CLEC2B: variants seen among roughly 807,000 people sequenced by gnomAD.
CLEC2B encodes C-type lectin domain family 2 member B.
CLEC2B carries 14 observed loss-of-function variants against 16.2 expected under a neutral mutation model. The observed-to-expected ratio is 0.86, with a 90% CI of 0.57 to 1.35. The LOEUF (loss-of-function observed/expected upper bound fraction) is 1.35. CLEC2B is among the 40% of genes most tolerant of loss of function. The pLI is 0.00. For missense variants in CLEC2B, 166 were observed against 182.3 expected (o/e 0.91, Z 0.52); for synonymous variants, 42 against 55.8 (o/e 0.75, Z 1.10).
At chr12:9,857,752 G>A in intron 2 of CLEC2B, 115 bp from the exon 3 acceptor site, 2 of 803,404 alleles carry the variant, frequency 2.5e-6, no homozygotes, top group Non-Finnish European at 4.0e-6. Flanking sequence ...TATGAAAGTT[G>A]TATATCTATT....
Position 9,853,091 on chromosome 12 carries a change from G to GAGAGAA in CLEC2B, c.*203_*208dup. On this transcript the variant is annotated 3_prime_UTR_variant, in exon 5 of 5. Coordinates refer to ENST00000228438, the MANE Select transcript of CLEC2B (RefSeq NM_005127.3). ...AAAGAAAGAAAGAAAGAAAGAGAGAGAGAGAAAGAAAGAAAGAAAAAAACT... is the reference window on the plus strand; with the variant it reads ...AAAGAAAGAAAGAAAGAAAGAGAGAGAGAGAAAGAGAAAGAAAGAAAGAAAAAAACT... The GAGAGAA allele has an allele frequency of 2.4e-6, 1 of 419,822 alleles. No individual in the cohort carries two copies. Among genetic ancestry groups the GAGAGAA allele is most frequent in the East Asian group, 4.0e-5 (1 of 25,246 alleles). 26.0% of individuals were successfully genotyped at this position (419,822 alleles called of 1,614,324 possible).
At position 9,853,128 on chromosome 12, in the gene CLEC2B, C is replaced by G; in HGVS notation, c.*172G>C. 2.1e-6 allele frequency: 1 copy of G among 480,488 alleles called. No individual in the cohort carries two copies. The highest frequency in any genetic ancestry group is 3.4e-5 in the East Asian group (1 of 29,498). The allele number at this position is 480,488 out of a possible 1,614,324, so 29.8% of individuals were successfully genotyped here. On this transcript the variant is annotated 3_prime_UTR_variant, in exon 5 of 5. Coordinates refer to ENST00000228438, the MANE Select transcript of CLEC2B (RefSeq NM_005127.3). ...GAAAGAAAAAAACTCAGCAGAATACCTGTAACCATTTTTTGCCAATCTTTG... is the reference window on the plus strand; with the variant it reads ...GAAAGAAAAAAACTCAGCAGAATACGTGTAACCATTTTTTGCCAATCTTTG...
At chr12:9,857,188 G>T (rs1170240066) in intron 3 of CLEC2B, 2 of 216,762 alleles carry the variant, frequency 9.2e-6, no homozygotes, top group East Asian at 1.1e-4. Context: ...TTTCTTGGTG[G>T]AGTATTGGCT....
At chr12:9,857,713 A>G (rs1867905360) in intron 2 of CLEC2B, 76 bp from the exon 3 acceptor site, 5 of 1,154,166 alleles carry the variant, frequency 4.3e-6, no homozygotes, top group Non-Finnish European at 6.2e-6. Flanking sequence ...CACTGGACAC[A>G]GGTTTTTGAT....
At chr12:9,856,177 C>A (rs961827566) in intron 3 of CLEC2B, among the ~76,000 whole-genome samples, 6 of 152,120 alleles carry the variant, frequency 3.9e-5, no homozygotes, top group African/African-American at 1.4e-4. Flanking sequence ...TCTTTGCTGA[C>A]AATATTCCTA....
chr12:9,859,236 T>C (rs1260246203), intron 2 of CLEC2B, among the ~76,000 whole-genome samples: 1 of 151,836 alleles, frequency 6.6e-6, no homozygotes, highest in Non-Finnish European at 1.5e-5. Context: ...AAGTTAATAA[T>C]AGTGATAAAT....
chr12:9,855,189 A>G (rs1867886451), intron 3 of CLEC2B, among the ~76,000 whole-genome samples: 1 of 152,116 alleles, frequency 6.6e-6, no homozygotes, highest in Non-Finnish European at 1.5e-5. Context: ...TTCACACTGT[A>G]TCACTCTACT....
chr12:9,864,825 C>T (rs779442499), intron 1 of CLEC2B, among the ~76,000 whole-genome samples: 5 of 141,258 alleles, frequency 3.5e-5, no homozygotes, highest in Non-Finnish European at 7.8e-5. Flanking sequence ...AACAAAACAG[C>T]CCCAGAAAAT....
intron 1 of CLEC2B, chr12:9,867,076 T>C (rs549349068): frequency 6.6e-6 from 1 of 152,292 alleles, no homozygotes; most frequent in Admixed American, 6.5e-5. Flanking sequence ...GCTTTTGTTA[T>C]GAGTTCAGCA....
At chr12:9,866,811 A>G (rs1295725560) in intron 1 of CLEC2B, among the ~76,000 whole-genome samples, 1 of 152,196 alleles carries the variant, frequency 6.6e-6, no homozygotes, top group East Asian at 1.9e-4. Flanking sequence ...GTTTCTGAAA[A>G]TTGTGAAGGG....
intron 4 of CLEC2B, 78 bp from the exon 5 acceptor site, chr12:9,853,486 C>G: frequency 1.8e-6 from 2 of 1,132,722 alleles, no homozygotes; most frequent in South Asian, 2.5e-5. Flanking sequence ...AAAAATTCTA[C>G]TTGTCTAAAG....
At chr12:9,857,358 C>G in intron 3 of CLEC2B, 116 bp downstream of exon 3, 1 of 747,476 alleles carries the variant, frequency 1.3e-6, no homozygotes, top group East Asian at 2.7e-5. Flanking sequence ...TGAACATCTT[C>G]AATTTTCTGC....
At position 9,853,083 on chromosome 12, in the gene CLEC2B, A is replaced by AAGAGAAAGAAAGAGAG; in HGVS notation, c.*216_*217insCTCTCTTTCTTTCTCT. The stretch of plus-strand genomic sequence containing the variant: ...AAAGAAAGAAAGAAAGAAAGAAAGA[A>AAGAGAAAGAAAGAGAG]AGAGAGAGAGAGAAAGAAAGAAAGA... On this transcript the variant is annotated 3_prime_UTR_variant, in exon 5 of 5. Transcript: ENST00000228438. 6.5e-6 allele frequency: 2 copies of AAGAGAAAGAAAGAGAG among 308,232 alleles called. No homozygotes were observed. Among genetic ancestry groups the AAGAGAAAGAAAGAGAG allele is most frequent in the South Asian group, 4.3e-5 (1 of 23,160 alleles). The allele number at this position is 308,232 out of a possible 1,614,324, so 19.1% of individuals were successfully genotyped here.
Position 9,852,503 on chromosome 12 carries a change from C to G in CLEC2B, c.*797G>C, listed in dbSNP as rs1867853603. On this transcript the variant is annotated 3_prime_UTR_variant, in exon 5 of 5. Coordinates refer to ENST00000228438, the MANE Select transcript of CLEC2B (RefSeq NM_005127.3). The stretch of plus-strand genomic sequence containing the variant: ...TTGTTTTAATAGCTGTTAGATAAAA[C>G]TGGTTTTAGGTTACAACAGGTAGTT... Among the ~76,000 whole-genome samples the G allele has an allele frequency of 6.6e-6, 1 of 152,024 alleles. No homozygotes were observed. Among genetic ancestry groups the G allele is most frequent in the African/African-American group, 2.4e-5 (1 of 41,368 alleles).
chr12:9,867,947 GA>G (rs530186342), intron 1 of CLEC2B, among the ~76,000 whole-genome samples: 1 of 151,438 alleles, frequency 6.6e-6, no homozygotes, highest in Admixed American at 6.6e-5. Flanking sequence ...AATAGCTATA[GA>G]AAAAAATCAT....
chr12:9,864,433 T>C (rs991589542), intron 1 of CLEC2B, among the ~76,000 whole-genome samples: 20 of 152,180 alleles, frequency 1.3e-4, no homozygotes, highest in African/African-American at 4.8e-4. Context: ...TGGTGCACAA[T>C]CTTCTCATAT....
chr12:9,866,272 A>G (rs1867969532), intron 1 of CLEC2B, among the ~76,000 whole-genome samples: 1 of 152,148 alleles, frequency 6.6e-6, no homozygotes, highest in Non-Finnish European at 1.5e-5. Flanking sequence ...CTCTGTTTTC[A>G]ATGCCATGAA....
intron 3 of CLEC2B, among the ~76,000 whole-genome samples, chr12:9,855,569 A>G (rs1565514631): frequency 1.3e-5 from 2 of 151,994 alleles, no homozygotes; most frequent in Admixed American, 6.6e-5. Context: ...TATGTGCTCT[A>G]AGGGAAGAGT....
At chr12:9,860,600 C>T (rs1187941835) in intron 2 of CLEC2B, among the ~76,000 whole-genome samples, 1 of 151,704 alleles carries the variant, frequency 6.6e-6, no homozygotes, top group Non-Finnish European at 1.5e-5. Flanking sequence ...CAATCTCAAT[C>T]AAAATTACAG....
Sources: allele counts gnomAD v4.1 joint callset (sites outside exome capture counted in the v4.1 genomes callset), GRCh38; gene constraint gnomAD v4.1.1; transcripts MANE v1.5; gene names NCBI Gene and HGNC (gene_info 2026-07-23, HGNC 2026-07-21).